SLITRK6: variants seen among roughly 807,000 people sequenced by gnomAD.
SLITRK6 encodes SLIT and NTRK-like protein 6.
In SLITRK6, 35 loss-of-function variants were observed where a neutral mutation model predicts 55.6. The observed-to-expected ratio is 0.63, with a 90% CI of 0.48 to 0.83. SLITRK6 has a LOEUF of 0.83. Among genes scored for constraint, SLITRK6 ranks in the 40% least tolerant of loss-of-function variants. The probability of loss-of-function intolerance (pLI) is 0.00; values close to 1 mark genes in which losing one functional copy is unlikely to be tolerated. For synonymous variants in SLITRK6, 392 were observed against 359.6 expected, an observed-to-expected ratio of 1.09 and a Z score of -1.02; for missense variants, 977 against 986.4, an observed-to-expected ratio of 0.99 and a Z score of 0.13.
rs1476766361 is a variant in SLITRK6 at position 85,793,764 on chromosome 13, G to A, written c.*219C>T. 4.4e-6 allele frequency: 2 copies of A among 451,964 alleles called. No homozygotes were observed. The highest frequency in any genetic ancestry group is 2.0e-5 in the African/African-American group (1 of 49,350). The allele number at this position is 451,964 out of a possible 1,614,324, so 28.0% of individuals were successfully genotyped here. A position where few individuals can be genotyped will look rare whatever the true frequency, so the allele number is the denominator to read the frequency against. On this transcript the variant is annotated 3_prime_UTR_variant, in exon 2 of 2. Coordinates refer to ENST00000647374, the MANE Select transcript of SLITRK6 (RefSeq NM_032229.3). ...TAATCCTTGAATGATTTACATGCAA[G>A]GATTTATTTTATTTGGGACAGACTA...
At position 85,796,195 on chromosome 13, in the gene SLITRK6, A is replaced by G; in HGVS notation, c.314T>C (p.Ile105Thr). ...GAGGCCAAGGCCATTAAATGCACCTATCTCAATATCTGCAATATTGTTAAA... is the reference window on the plus strand; with the variant it reads ...GAGGCCAAGGCCATTAAATGCACCTGTCTCAATATCTGCAATATTGTTAAA... The part of the protein sequence containing the change: ...LGFNNIADIE[I>T]GAFNGLGLLK... Residue 105 changes from isoleucine to threonine, a missense_variant, in exon 2 of 2, where the codon ATA (isoleucine) becomes ACA (threonine). Coordinates refer to ENST00000647374, the MANE Select transcript of SLITRK6 (RefSeq NM_032229.3). The G allele has an allele frequency of 1.9e-6, 3 of 1,613,104 alleles. No individual in the cohort carries two copies. Among genetic ancestry groups the G allele is most frequent in the Non-Finnish European group, 2.5e-6 (3 of 1,179,422 alleles).
rs571703835 is a variant in SLITRK6, at chr13:85,795,690, A to C, written c.819T>G (p.Tyr273Ter). The C allele has an allele frequency of 3.7e-6, 6 of 1,613,098 alleles. No homozygotes were observed. The highest frequency in any genetic ancestry group is 5.1e-6 in the Non-Finnish European group (6 of 1,179,450). Reference protein sequence around the residue: ...KESICPTPPVYEEHEDPSGSL... With the variant: ...KESICPTPPV ...ATCCTGAAGGATCCTCATGTTCTTC[A>C]TACACTGGTGGAGTAGGGCAAATAG... The change falls in exon 2 of 2, where the codon TAT (tyrosine) becomes TAG (stop). Residue 273 changes from tyrosine (Y) to a stop codon, truncating the protein, a stop_gained. Transcript: ENST00000647374. LOFTEE classifies it high-confidence loss of function.
chr13:85,794,564 T>C lies in SLITRK6; in HGVS notation c.1945A>G (p.Arg649Gly), dbSNP rs371558488. 5 of 1,613,124 alleles carry C rather than the reference T, an allele frequency of 3.1e-6. No homozygotes were observed. Among genetic ancestry groups the C allele is most frequent in the Non-Finnish European group, 4.2e-6 (5 of 1,179,562 alleles). ...TGAAGATGCACAGGACTGTTGTCTC[T>C]CATTTGCTCATCTACTTGTTTCTTT... is the stretch of plus-strand genomic sequence containing the variant. ...YKKKQVDEQMRDNSPVHLQYS... is the reference protein window; with the variant it reads ...YKKKQVDEQMGDNSPVHLQYS... Residue 649 changes from arginine (R) to glycine (G), a missense_variant, in exon 2 of 2, where the codon AGA (arginine) becomes GGA (glycine). Physicochemically the swap from Arg to Gly is moderately radical, Grantham distance 125. Coordinates refer to ENST00000647374, the MANE Select transcript of SLITRK6 (RefSeq NM_032229.3).
At chr13:85,798,880 A>T (rs1874799356) in intron 1 of SLITRK6, 34 bp downstream of exon 1, 1 of 151,930 alleles carries the variant, frequency 6.6e-6, no homozygotes, top group Admixed American at 6.6e-5. Flanking sequence ...ATGCAAAAAT[A>T]AGTATAAGAA....
At position 85,794,731 on chromosome 13, in the gene SLITRK6, G is replaced by GT. The variant is rs1874650011; in HGVS notation, c.1777dup (p.Thr593AsnfsTer3). ...AAGAGATCGTAAAATAGTATCAGCC[G>GT]TATTTGTTGTTGTTGCAGGAGTGGT... is the stretch of plus-strand genomic sequence containing the variant. On this transcript the variant is annotated frameshift_variant, in exon 2 of 2. Transcript: ENST00000647374. LOFTEE classifies it high-confidence loss of function. The GT allele has an allele frequency of 6.2e-7, 1 of 1,613,256 alleles. No homozygotes were observed. The highest frequency in any genetic ancestry group is 1.7e-5 in the Admixed American group (1 of 59,854).
chr13:85,794,751 A>G lies in SLITRK6; in HGVS notation c.1758T>C (p.Thr586=), dbSNP rs1310128984. 1 of 1,613,214 alleles carries G rather than the reference A, an allele frequency of 6.2e-7. No homozygotes were observed. The highest frequency in any genetic ancestry group is 2.2e-5 in the East Asian group (1 of 44,854). Residue 586 remains threonine (T), a synonymous_variant, in exon 2 of 2, where the codon ACT becomes ACC. Coordinates refer to ENST00000647374, the MANE Select transcript of SLITRK6 (RefSeq NM_032229.3). The part of the protein sequence containing the change: ...PTQTSYLMVT[T]PATTTNTADT... ...CAGCCGTATTTGTTGTTGTTGCAGG[A>G]GTGGTGACCATAAGGTAACTAGTCT...
At chr13:85,797,070 A>G (rs1019187799) in intron 1 of SLITRK6, among the ~76,000 whole-genome samples, 8 of 151,322 alleles carry the variant, frequency 5.3e-5, no homozygotes, top group Non-Finnish European at 8.9e-5. Flanking sequence ...TGTAGCATGC[A>G]TTGTCTTTAT....
At position 85,793,854 on chromosome 13, in the gene SLITRK6, T is replaced by C; in HGVS notation, c.*129A>G. The C allele has an allele frequency of 9.1e-7, 1 of 1,101,234 alleles. No individual in the cohort carries two copies. Among genetic ancestry groups the C allele is most frequent in the Non-Finnish European group, 1.2e-6 (1 of 807,324 alleles). The allele number at this position is 1,101,234 out of a possible 1,614,324, so 68.2% of individuals were successfully genotyped here. A position where few individuals can be genotyped will look rare whatever the true frequency, so the allele number is the denominator to read the frequency against. Reference sequence around the variant, plus strand: ...CCTGAGTTTCTTTTTCTTCTTCTTTTTTTTTCCCCATAGTTTACTGCTGTG... The same window carrying C: ...CCTGAGTTTCTTTTTCTTCTTCTTTCTTTTTCCCCATAGTTTACTGCTGTG... On this transcript the variant is annotated 3_prime_UTR_variant, in exon 2 of 2. Transcript: ENST00000647374.
rs891190487 is a variant in SLITRK6, at chr13:85,794,697, A to C, written c.1812T>G (p.Ala604=). 9 of 1,613,218 alleles carry C rather than the reference A, an allele frequency of 5.6e-6. No homozygotes were observed. The highest frequency in any genetic ancestry group is 7.6e-6 in the Non-Finnish European group (9 of 1,179,554). The change falls in exon 2 of 2, where the codon GCT becomes GCG. Residue 604 remains alanine (A), a synonymous_variant. Transcript: ENST00000647374. ...ADTILRSLTD[A]VPLSVLILGL... ...CCAATATTAGAACAGACAGTGGCAC[A>C]GCGTCCGTAAGAGATCGTAAAATAG...
rs191674255 is a variant in SLITRK6, at chr13:85,793,266, C to T, written c.*717G>A. 282 of 151,980 alleles carry T rather than the reference C, an allele frequency of 1.9e-3. 2 individuals are homozygous for T. The highest frequency in any genetic ancestry group is 5.6e-3 in the African/African-American group (232 of 41,512). The allele number at this position is 151,980 out of a possible 1,614,324, so 9.4% of individuals were successfully genotyped here. On this transcript the variant is annotated 3_prime_UTR_variant, in exon 2 of 2. Coordinates refer to ENST00000647374, the MANE Select transcript of SLITRK6 (RefSeq NM_032229.3). ...ATACTTTAGTTCACAGCAGCACTGACATTAAAATTGTCTACACAAAATGTG... is the reference window on the plus strand; with the variant it reads ...ATACTTTAGTTCACAGCAGCACTGATATTAAAATTGTCTACACAAAATGTG...
In SLITRK6 at chr13:85,795,580, G is replaced by C; in HGVS notation, c.929C>G (p.Ala310Gly). 6.2e-7 allele frequency: 1 copy of C among 1,612,938 alleles called. No individual in the cohort carries two copies. The highest frequency in any genetic ancestry group is 1.1e-5 in the South Asian group (1 of 91,044). Residue 310 changes from alanine (A) to glycine (G), a missense_variant, in exon 2 of 2, where the codon GCA becomes GGA. Coordinates refer to ENST00000647374, the MANE Select transcript of SLITRK6 (RefSeq NM_032229.3). Reference sequence around the variant, plus strand: ...TGTAATATAAGGTATCAAACCTGGTGCTTTGGTGGGTAGTTTTAGAATGGA... The same window carrying C: ...TGTAATATAAGGTATCAAACCTGGTCCTTTGGTGGGTAGTTTTAGAATGGA... ...TTSILKLPTKAPGLIPYITKP... is the reference protein window; with the variant it reads ...TTSILKLPTKGPGLIPYITKP...
rs766786260 is a variant in SLITRK6 at position 85,796,293 on chromosome 13, TA to T, written c.215del (p.Leu72Ter). The stretch of plus-strand genomic sequence containing the variant: ...TGTGAAGCATCGTCAAGCCGTTATT[TA>T]ATAAGCTTAGTTGGAAAGGTCGTGA... ...PPSRPFQLSL[L>X]NNGLTMLHTN... On this transcript the variant is annotated frameshift_variant, in exon 2 of 2. Transcript: ENST00000647374. LOFTEE classifies it high-confidence loss of function. The T allele has an allele frequency of 1.9e-6, 3 of 1,611,954 alleles. No homozygotes were observed. The East Asian group carries it at 6.7e-5, about 36-fold the overall frequency.
rs776110410 is a variant in SLITRK6, at chr13:85,795,205, T to C, written c.1304A>G (p.His435Arg). The change falls in exon 2 of 2, where the codon CAT becomes CGT. Residue 435 changes from histidine to arginine, a missense_variant. Coordinates refer to ENST00000647374, the MANE Select transcript of SLITRK6 (RefSeq NM_032229.3). ...TTCAAGATATAAGTATTCAAGATTA[T>C]GGAGACCAAGGAACATGCCTTTACT... is the stretch of plus-strand genomic sequence containing the variant. ...KLSKGMFLGLHNLEYLYLEYN... is the reference protein window; with the variant it reads ...KLSKGMFLGLRNLEYLYLEYN... The C allele has an allele frequency of 1.2e-6, 2 of 1,612,426 alleles. No individual in the cohort carries two copies. Among genetic ancestry groups the C allele is most frequent in the Non-Finnish European group, 1.7e-6 (2 of 1,179,252 alleles).
rs761205659 is a variant in SLITRK6, at chr13:85,795,777, A to G, written c.732T>C (p.Asp244=). The G allele has an allele frequency of 1.2e-6, 2 of 1,612,968 alleles. No individual in the cohort carries two copies. The highest frequency in any genetic ancestry group is 1.7e-6 in the Non-Finnish European group (2 of 1,179,444). Residue 244 remains aspartate, a synonymous_variant, in exon 2 of 2, where the codon GAT becomes GAC. Transcript: ENST00000647374. The stretch of plus-strand genomic sequence containing the variant: ...AAAATGGAGGGCTGTTGCAGACAAC[A>G]TCACCAATTATAGACTGTGGAGGCA... ...ENMPPQSIIG[D]VVCNSPPFFK... is the part of the protein sequence containing the mutation.
rs767391796 is a variant in SLITRK6, at chr13:85,795,515, G to A, written c.994C>T (p.Pro332Ser). The change falls in exon 2 of 2, where the codon CCT becomes TCT. Residue 332 changes from proline to serine, a missense_variant. Physicochemically the swap from Pro to Ser is moderately conservative, Grantham distance 74. Coordinates refer to ENST00000647374, the MANE Select transcript of SLITRK6 (RefSeq NM_032229.3). ...TQLPGPYCPI[P>S]CNCKVLSPSG... ...GGGGATAGGACTTTGCAGTTACAAG[G>A]AATAGGGCAGTAAGGTCCTGGAAGT... 4 of 1,612,926 alleles carry A rather than the reference G, an allele frequency of 2.5e-6. No homozygotes were observed. The South Asian group carries it at 3.3e-5, about 13-fold the overall frequency.
Position 85,795,503 on chromosome 13 carries a change from T to C in SLITRK6, c.1006A>G (p.Lys336Glu), listed in dbSNP as rs866456545. Reference protein sequence around the residue: ...GPYCPIPCNCKVLSPSGLLIH... With the variant: ...GPYCPIPCNCEVLSPSGLLIH... ...AGAAGTCCTGATGGGGATAGGACTT[T>C]GCAGTTACAAGGAATAGGGCAGTAA... Residue 336 changes from lysine to glutamate, a missense_variant, in exon 2 of 2, where the codon AAA (lysine) becomes GAA (glutamate). Transcript: ENST00000647374. 1 of 1,613,020 alleles carries C rather than the reference T, an allele frequency of 6.2e-7. No individual in the cohort carries two copies. Among genetic ancestry groups the C allele is most frequent in the African/African-American group, 1.3e-5 (1 of 74,954 alleles).
chr13:85,794,634 A>G lies in SLITRK6; in HGVS notation c.1875T>C (p.Ala625=), dbSNP rs1220565191. ...LIMFITIVFC[A]AGIVVLVLHR... ...GAAGAACAAGAACCACTATCCCTGC[A>G]GCACAGAAAACAATAGTGATGAACA... The change falls in exon 2 of 2, where the codon GCT becomes GCC. Residue 625 remains alanine, a synonymous_variant. Coordinates refer to ENST00000647374, the MANE Select transcript of SLITRK6 (RefSeq NM_032229.3). The G allele has an allele frequency of 1.9e-6, 3 of 1,613,204 alleles. No individual in the cohort carries two copies. The highest frequency in any genetic ancestry group is 1.7e-6 in the Non-Finnish European group (2 of 1,179,568).
At chr13:85,797,939 A>T (rs977644969) in intron 1 of SLITRK6, among the ~76,000 whole-genome samples, 1 of 151,942 alleles carries the variant, frequency 6.6e-6, no homozygotes, top group Non-Finnish European at 1.5e-5. Context: ...GTTGTTTGAA[A>T]TATGAACAGT....
intron 1 of SLITRK6, 30 bp downstream of exon 1, chr13:85,798,884 A>G (rs538932815): frequency 7.9e-5 from 12 of 151,956 alleles, no homozygotes; most frequent in Admixed American, 2.0e-4. Context: ...AAAAATAAGT[A>G]TAAGAAAAGC....
Sources: gnomAD v4.1 joint callset for allele counts (sites outside exome capture counted in the v4.1 genomes callset) on GRCh38, gnomAD v4.1.1 for gene constraint, MANE v1.5 for transcripts, NCBI Gene and HGNC (gene_info 2026-07-23, HGNC 2026-07-21) for gene names.